ENO2: variants seen among roughly 807,000 people sequenced by gnomAD.
ENO2 encodes enolase 2.
Under a neutral mutation model 48.7 loss-of-function variants are expected in ENO2, and 19 were observed. The observed-to-expected ratio is 0.39, with a 90% CI of 0.27 to 0.57. The LOEUF is 0.57. ENO2 is among the 20% of genes least tolerant of loss of function. The probability of loss-of-function intolerance (pLI) is 0.58; values close to 1 mark genes in which losing one functional copy is unlikely to be tolerated. For missense variants in ENO2, 416 were observed against 555.0 expected (o/e 0.75, Z 2.52); for synonymous variants, 198 against 213.4 (o/e 0.93, Z 0.63).
Position 6,922,257 on chromosome 12 carries a change from G to A in ENO2, c.1177-87G>A. The stretch of plus-strand genomic sequence containing the variant: ...GGTCTCTCCTTCCAGGTGTTTGAGG[G>A]TGTCAGGGGAGTTTCAGGAGAGCAG... On this transcript the variant is annotated intron_variant, in intron 10 of 11. Transcript: ENST00000229277. The surrounding 1 kb of genome is among the most constrained non-coding windows in gnomAD (Gnocchi z 5.3). 6.2e-7 allele frequency: 1 copy of A among 1,609,008 alleles called. No homozygotes were observed. Among genetic ancestry groups the A allele is most frequent in the Non-Finnish European group, 8.5e-7 (1 of 1,175,716 alleles).
In ENO2 at chr12:6,914,702, T is replaced by C. The variant is rs2239165; in HGVS notation, c.-13+43T>C. On this transcript the variant is annotated intron_variant, in intron 1 of 11. Transcript: ENST00000229277. This position sits in a 1 kb window ranked among gnomAD's most constrained non-coding sequence, Gnocchi z 7.1. ...CCCAGAGCCCCTGTGGCCCCCTCCC[T>C]TCGCCGCGGCGCCCCTGCCTCCTTT... 63,506 of 154,212 alleles carry C rather than the reference T, an allele frequency of 0.41. 15,933 individuals carry two copies. The highest frequency in any genetic ancestry group is 0.72 in the African/African-American group (29,886 of 41,432). 9.6% of individuals were successfully genotyped at this position (154,212 alleles called of 1,614,324 possible). A position where few individuals can be genotyped will look rare whatever the true frequency, so the allele number is the denominator to read the frequency against.
intron 8 of ENO2, 127 bp downstream of exon 8, chr12:6,919,890 GGA>G (rs1945324719): frequency 1.9e-6 from 2 of 1,036,348 alleles, no homozygotes; most frequent in Non-Finnish European, 2.8e-6. Flanking sequence ...TGAGAACCAG[GGA>G]GAGGGTGCAG....
chr12:6,915,512 G>A (rs1945281344), intron 1 of ENO2: 1 of 335,150 alleles, frequency 3.0e-6, no homozygotes, highest in Non-Finnish European at 5.7e-6. Context: ...GCTGCAAAGA[G>A]GCGCGGGAAC....
intron 1 of ENO2, 109 bp from the exon 2 acceptor site, chr12:6,915,708 CACTG>C: frequency 2.6e-6 from 1 of 378,548 alleles, no homozygotes; most frequent in Non-Finnish European, 5.3e-6. Context: ...ACCCCCCACC[CACTG>C]CAGTAACCTC....
rs185863830 is a variant in ENO2, at chr12:6,917,215, A to G, written c.310+108A>G. 12 of 1,367,106 alleles carry G rather than the reference A, an allele frequency of 8.8e-6. No homozygotes were observed. In the African/African-American group the frequency reaches 1.3e-4, roughly 15 times the overall value. 84.7% of individuals were successfully genotyped at this position (1,367,106 alleles called of 1,614,324 possible). ...AGTGGCTTCCTCAGGAATGACTGTC[A>G]GGGGCATTCTCCTCTCAAAGCCAGA... On this transcript the variant is annotated intron_variant, in intron 5 of 11. Transcript: ENST00000229277.
rs782391957 is a variant in ENO2 at position 6,917,660 on chromosome 12, G to C, written c.390G>C (p.Leu130=). ...GGGCAGCTGAGCGGGAACTGCCCCT[G>C]TATCGCCACATTGCTCAGCTGGCCG... ...KAGAAERELP[L]YRHIAQLAGN... Residue 130 remains leucine, a synonymous_variant, in exon 6 of 12, where the codon CTG becomes CTC. Coordinates refer to ENST00000229277, the MANE Select transcript of ENO2 (RefSeq NM_001975.3). 10 of 1,576,920 alleles carry C rather than the reference G, an allele frequency of 6.3e-6. No individual in the cohort carries two copies. The highest frequency in any genetic ancestry group is 1.7e-5 in the Admixed American group (1 of 58,610).
chr12:6,922,160 G>T lies in ENO2; in HGVS notation c.1172G>T (p.Gly391Val). 1 of 1,613,724 alleles carries T rather than the reference G, an allele frequency of 6.2e-7. No individual in the cohort carries two copies. Among genetic ancestry groups the T allele is most frequent in the Non-Finnish European group, 8.5e-7 (1 of 1,179,710 alleles). ...IADLVVGLCT[G>V]QIKTGAPCRS... ...GACCTGGTGGTGGGGCTGTGCACAG[G>T]CCAGGTGAGTGAGGCAGCCTGGTGA... Residue 391 changes from glycine to valine, a missense_variant, in exon 10 of 12, where the codon GGC becomes GTC. Gly to Val is a moderately radical substitution (Grantham distance 109). Coordinates refer to ENST00000229277, the MANE Select transcript of ENO2 (RefSeq NM_001975.3). The surrounding 1 kb of genome is among the most constrained non-coding windows in gnomAD (Gnocchi z 5.3).
chr12:6,915,446 A>C, intron 1 of ENO2: 1 of 217,092 alleles, frequency 4.6e-6, no homozygotes, highest in Non-Finnish European at 9.5e-6. Flanking sequence ...GAGAAATGCA[A>C]GCCTGGCAGC....
chr12:6,917,832 G>A (rs781830124), intron 6 of ENO2, 108 bp from the exon 7 acceptor site: 314 of 1,581,548 alleles, frequency 2.0e-4, no homozygotes, highest in Non-Finnish European at 2.6e-4. Context: ...GGATGGGGAC[G>A]TGAGACTTAG....
At chr12:6,919,958 A>G (rs1555141967) in intron 8 of ENO2, among the ~76,000 whole-genome samples, 195 bp downstream of exon 8, 1 of 152,138 alleles carries the variant, frequency 6.6e-6, no homozygotes, top group East Asian at 1.9e-4. Flanking sequence ...GGTACCCGTG[A>G]CCAATCTGTT....
At chr12:6,921,085 T>C (rs1945336838) in intron 8 of ENO2, among the ~76,000 whole-genome samples, 2 of 152,094 alleles carry the variant, frequency 1.3e-5, no homozygotes, top group African/African-American at 4.8e-5. Flanking sequence ...GGCCTCTCCA[T>C]GTAAGGTTTT....
chr12:6,917,138 C>T (rs782012005), intron 5 of ENO2, 31 bp downstream of exon 5: 21 of 1,612,992 alleles, frequency 1.3e-5, no homozygotes, highest in African/African-American at 5.3e-5. Flanking sequence ...AGTGGGGAAG[C>T]GTCAGGGTGG....
Position 6,915,910 on chromosome 12 carries a change from T to G in ENO2, c.78T>G (p.Thr26=), listed in dbSNP as rs1253690566. The G allele has an allele frequency of 6.2e-7, 1 of 1,613,822 alleles. No individual in the cohort carries two copies. Residue 26 remains threonine, a synonymous_variant, in exon 2 of 12, where the codon ACT becomes ACG. Transcript: ENST00000229277. ...CCACAGTGGAGGTGGATCTCTATACTGCCAAAGGTAATGGGTGTGGCATGG... is the reference window on the plus strand; with the variant it reads ...CCACAGTGGAGGTGGATCTCTATACGGCCAAAGGTAATGGGTGTGGCATGG... ...GNPTVEVDLY[T]AKGLFRAAVP... is the part of the protein sequence containing the mutation.
In ENO2 at chr12:6,916,462, A is replaced by G. The variant is rs781801214; in HGVS notation, c.131A>G (p.Tyr44Cys). 11 of 1,614,032 alleles carry G rather than the reference A, an allele frequency of 6.8e-6. No homozygotes were observed. Among genetic ancestry groups the G allele is most frequent in the Non-Finnish European group, 8.5e-6 (10 of 1,179,982 alleles). ...CCCAGTGGAGCCTCTACGGGCATCT[A>G]TGAGGCCCTGGAGCTGAGGGATGGA... Reference protein sequence around the residue: ...AVPSGASTGIYEALELRDGDK... With the variant: ...AVPSGASTGICEALELRDGDK... Residue 44 changes from tyrosine (Y) to cysteine (C), a missense_variant, in exon 3 of 12, where the codon TAT becomes TGT. Tyr to Cys is a radical substitution (Grantham distance 194). Coordinates refer to ENST00000229277, the MANE Select transcript of ENO2 (RefSeq NM_001975.3). This position sits in a 1 kb window ranked among gnomAD's most constrained non-coding sequence, Gnocchi z 4.5.
Position 6,922,024 on chromosome 12 carries a change from A to G in ENO2, c.1068-32A>G. On this transcript the variant is annotated intron_variant, in intron 9 of 11. Coordinates refer to ENST00000229277, the MANE Select transcript of ENO2 (RefSeq NM_001975.3). This position sits in a 1 kb window ranked among gnomAD's most constrained non-coding sequence, Gnocchi z 5.3. ...CTGGGAAGAGAGTGCCCAGTGTGAG[A>G]GCTGGAGAATCAGTGCTGTGTGTGG... 1 of 1,612,268 alleles carries G rather than the reference A, an allele frequency of 6.2e-7. No individual in the cohort carries two copies. Among genetic ancestry groups the G allele is most frequent in the South Asian group, 1.1e-5 (1 of 91,038 alleles).
rs199636813 is a variant in ENO2, at chr12:6,918,206, T to C, written c.667+44T>C. On this transcript the variant is annotated intron_variant, in intron 7 of 11. Coordinates refer to ENST00000229277, the MANE Select transcript of ENO2 (RefSeq NM_001975.3). ...CTCCCAGCTCTAAGTCTTACCCTAT[T>C]GTGGGACATCAGAAAGGGTGACACA... is the stretch of plus-strand genomic sequence containing the variant. 8.1e-5 allele frequency: 130 copies of C among 1,598,072 alleles called. No homozygotes were observed. In the African/African-American group the frequency reaches 1.7e-3, roughly 20 times the overall value.
intron 1 of ENO2, 196 bp from the exon 2 acceptor site, chr12:6,915,625 A>T: frequency 5.6e-6 from 3 of 537,680 alleles, no homozygotes; most frequent in Admixed American, 3.0e-5. Context: ...CACTGCATTG[A>T]CCTTCTCCTC....
intron 1 of ENO2, 58 bp from the exon 2 acceptor site, chr12:6,915,763 C>T: frequency 1.7e-6 from 2 of 1,206,172 alleles, no homozygotes; most frequent in Non-Finnish European, 2.3e-6. Flanking sequence ...CCATTGATCT[C>T]AGGCTCCACC....
chr12:6,918,506 A>G (rs1945312126), intron 7 of ENO2, among the ~76,000 whole-genome samples: 1 of 150,922 alleles, frequency 6.6e-6, no homozygotes, highest in Middle Eastern at 3.4e-3. Context: ...GCCCGCCACC[A>G]CGCCCGGCTA....
Sources: allele counts gnomAD v4.1 joint callset (sites outside exome capture counted in the v4.1 genomes callset), GRCh38; gene constraint gnomAD v4.1.1; non-coding constraint Gnocchi (gnomAD v3.1); transcripts MANE v1.5; gene names NCBI Gene and HGNC (gene_info 2026-07-23, HGNC 2026-07-21).